KCNJ3: variants seen among roughly 807,000 people sequenced by gnomAD.
The protein encoded by KCNJ3 is G protein-activated inward rectifier potassium channel 1.
A neutral mutation model predicts 39.2 loss-of-function variants in KCNJ3; 4 were observed. That is an observed-to-expected ratio of 0.10 (90% confidence interval 0.05 to 0.23). KCNJ3 has a LOEUF of 0.23. Among genes scored for constraint, KCNJ3 ranks in the 10% least tolerant of loss-of-function variants. The pLI, the probability that KCNJ3 is intolerant of heterozygous loss-of-function variation, is 1.00. For missense variants in KCNJ3, 276 were observed against 634.9 expected, an observed-to-expected ratio of 0.43 and a Z score of 6.08; for synonymous variants, 230 against 237.4, an observed-to-expected ratio of 0.97 and a Z score of 0.29.
At chr2:154,803,084 C>T (rs1030496460) in intron 2 of KCNJ3, among the ~76,000 whole-genome samples, 3 of 152,076 alleles carry the variant, frequency 2.0e-5, no homozygotes, top group African/African-American at 2.4e-5. Context: ...AACTTACTGT[C>T]GCTTAAGGTT....
At chr2:154,729,547 T>G (rs1685416932) in intron 2 of KCNJ3, among the ~76,000 whole-genome samples, 1 of 152,156 alleles carries the variant, frequency 6.6e-6, no homozygotes, top group African/African-American at 2.4e-5. Flanking sequence ...GCCTTCTTGT[T>G]GTTGTTCTTG....
chr2:154,854,615 A>G, intron 2 of KCNJ3, 112 bp from the exon 3 acceptor site: 1 of 707,248 alleles, frequency 1.4e-6, no homozygotes, highest in East Asian at 2.6e-5. Context: ...CGGGCTTCAG[A>G]TAAACAGTCC....
intron 2 of KCNJ3, among the ~76,000 whole-genome samples, chr2:154,810,929 T>G (rs1686998497): frequency 6.6e-6 from 1 of 152,190 alleles, no homozygotes; most frequent in South Asian, 2.1e-4. Flanking sequence ...CCAGTGCTAA[T>G]GGATGATCCT....
chr2:154,755,632 A>G (rs1405224496), intron 2 of KCNJ3, among the ~76,000 whole-genome samples: 1 of 150,892 alleles, frequency 6.6e-6, no homozygotes, highest in African/African-American at 2.4e-5. Context: ...CTACGAGGGC[A>G]TAAATACTTT....
intron 2 of KCNJ3, among the ~76,000 whole-genome samples, chr2:154,710,612 T>C (rs938322475): frequency 2.0e-5 from 3 of 152,134 alleles, no homozygotes; most frequent in Admixed American, 6.5e-5. Flanking sequence ...TAATTGTATG[T>C]ATACGTATAT....
intron 2 of KCNJ3, among the ~76,000 whole-genome samples, chr2:154,847,532 A>ATAAT (rs537325904): frequency 1.7e-3 from 256 of 152,262 alleles, no homozygotes; most frequent in Non-Finnish European, 2.9e-3. Flanking sequence ...TTTGAAGTAA[A>ATAAT]TAATAGAATA....
intron 2 of KCNJ3, among the ~76,000 whole-genome samples, chr2:154,776,499 C>T (rs1686338098): frequency 6.6e-6 from 1 of 152,200 alleles, no homozygotes; most frequent in African/African-American, 2.4e-5. Flanking sequence ...GGATTTGAAG[C>T]TGAAGATTTC....
intron 2 of KCNJ3, among the ~76,000 whole-genome samples, chr2:154,711,295 TA>T (rs1685098854): frequency 6.6e-6 from 1 of 152,118 alleles, no homozygotes; most frequent in Non-Finnish European, 1.5e-5. Context: ...ATTAAAGTAG[TA>T]ATGTATTAGG....
intron 2 of KCNJ3, among the ~76,000 whole-genome samples, chr2:154,751,397 G>T (rs1388337281): frequency 6.6e-6 from 1 of 151,840 alleles, no homozygotes; most frequent in South Asian, 2.1e-4. Flanking sequence ...AGGATATTTA[G>T]TACTTTATTT....
chr2:154,704,579 GT>G (rs1322123734), intron 1 of KCNJ3, among the ~76,000 whole-genome samples: 1 of 152,154 alleles, frequency 6.6e-6, no homozygotes, highest in Non-Finnish European at 1.5e-5. Context: ...TTGGGTCATA[GT>G]TTTTCCATCT....
chr2:154,699,622 A>C lies in KCNJ3; in HGVS notation c.702+145A>C, dbSNP rs988250163. The C allele has an allele frequency of 8.2e-7, 1 of 1,217,964 alleles. No individual in the cohort carries two copies. The highest frequency in any genetic ancestry group is 1.1e-6 in the Non-Finnish European group (1 of 899,528). The allele number at this position is 1,217,964 out of a possible 1,614,324, so 75.4% of individuals were successfully genotyped here. ...TTCCTTTTGGGGGGTTGGGGGTTGGAGGACTGGGCAAAGAATGCGGTTGAC... is the reference window on the plus strand; with the variant it reads ...TTCCTTTTGGGGGGTTGGGGGTTGGCGGACTGGGCAAAGAATGCGGTTGAC... On this transcript the variant is annotated intron_variant, in intron 1 of 2. Transcript: ENST00000295101. This position sits in a 1 kb window ranked among gnomAD's most constrained non-coding sequence, Gnocchi z 6.4.
chr2:154,796,148 C>T (rs1472643720), intron 2 of KCNJ3, among the ~76,000 whole-genome samples: 2 of 151,958 alleles, frequency 1.3e-5, no homozygotes, highest in African/African-American at 4.8e-5. Context: ...ATTCCGTAAT[C>T]GTGTGAGGTT....
chr2:154,699,627 TGG>T lies in KCNJ3; in HGVS notation c.702+152_702+153del. The T allele has an allele frequency of 1.7e-6, 2 of 1,179,110 alleles. No individual in the cohort carries two copies. Among genetic ancestry groups the T allele is most frequent in the South Asian group, 3.2e-5 (2 of 62,700 alleles). 73.0% of individuals were successfully genotyped at this position (1,179,110 alleles called of 1,614,324 possible). ...TTTGGGGGGTTGGGGGTTGGAGGAC[TGG>T]GCAAAGAATGCGGTTGACAGTTCTG... On this transcript the variant is annotated intron_variant, in intron 1 of 2. Transcript: ENST00000295101. This position sits in a 1 kb window ranked among gnomAD's most constrained non-coding sequence, Gnocchi z 6.4.
chr2:154,712,279 T>G (rs547036765), intron 2 of KCNJ3, among the ~76,000 whole-genome samples: 2 of 152,314 alleles, frequency 1.3e-5, no homozygotes, highest in East Asian at 3.9e-4. Flanking sequence ...TGGTTTCATC[T>G]TTGAGGATGT....
intron 2 of KCNJ3, among the ~76,000 whole-genome samples, chr2:154,717,921 G>A (rs1301036183): frequency 6.6e-6 from 1 of 152,144 alleles, no homozygotes; most frequent in Non-Finnish European, 1.5e-5. Flanking sequence ...ACTGACCATT[G>A]GAAATGTTAT....
At chr2:154,722,707 C>A (rs916250215) in intron 2 of KCNJ3, among the ~76,000 whole-genome samples, 1 of 152,154 alleles carries the variant, frequency 6.6e-6, no homozygotes, top group African/African-American at 2.4e-5. Flanking sequence ...TAGAAAAAAA[C>A]CACACTGACT....
At chr2:154,842,802 C>T (rs1182903833) in intron 2 of KCNJ3, among the ~76,000 whole-genome samples, 1 of 152,018 alleles carries the variant, frequency 6.6e-6, no homozygotes, top group Non-Finnish European at 1.5e-5. Flanking sequence ...GGTAGATCTT[C>T]CTCCATCCCT....
At chr2:154,777,151 A>G (rs932244476) in intron 2 of KCNJ3, among the ~76,000 whole-genome samples, 2 of 152,230 alleles carry the variant, frequency 1.3e-5, no homozygotes, top group Non-Finnish European at 2.9e-5. Context: ...ATCTCCATAC[A>G]TAATGCACAT....
intron 2 of KCNJ3, among the ~76,000 whole-genome samples, chr2:154,843,839 T>G (rs1280788887): frequency 1.3e-5 from 2 of 152,192 alleles, no homozygotes; most frequent in Non-Finnish European, 2.9e-5. Flanking sequence ...GCCATTCGTC[T>G]AATCTTTCTT....
Sources: allele counts gnomAD v4.1 joint callset (sites outside exome capture counted in the v4.1 genomes callset), GRCh38; gene constraint gnomAD v4.1.1; non-coding constraint Gnocchi (gnomAD v3.1); transcripts MANE v1.5; gene names NCBI Gene and HGNC (gene_info 2026-07-23, HGNC 2026-07-21).